Variants in NPSR1 observed in about 807,000 individuals in gnomAD.
NPSR1 encodes neuropeptide S receptor.
In NPSR1, 48 loss-of-function variants were observed where a neutral mutation model predicts 46.9. The observed-to-expected ratio is 1.02, with a 90% CI of 0.81 to 1.30. The LOEUF (loss-of-function observed/expected upper bound fraction) is 1.30, where lower values mean the gene tolerates loss of function less well. NPSR1 is among the 50% of genes most tolerant of loss of function. NPSR1 has a pLI of 0.00. For synonymous variants in NPSR1, 176 were observed against 168.1 expected (o/e 1.05, Z -0.36); for missense variants, 450 against 449.5 (o/e 1.00, Z -0.01).
chr7:34,852,302 G>GGAAAGAGA (rs370566581), downstream of NPSR1, among the ~76,000 whole-genome samples: 150 of 151,416 alleles, frequency 9.9e-4, 1 homozygote, highest in African/African-American at 3.2e-3. Context: ...TCCGTCTCAA[G>GGAAAGAGA]GAAAGAGAGA....
intron 2 of NPSR1, among the ~76,000 whole-genome samples, chr7:34,726,901 G>A (rs1277100950): frequency 1.3e-5 from 2 of 151,956 alleles, no homozygotes; most frequent in African/African-American, 4.8e-5. Flanking sequence ...GATTTTTAGG[G>A]CAGTGAAACT....
At chr7:34,685,638 G>A (rs1583806061) in intron 2 of NPSR1, 2 of 384,994 alleles carry the variant, frequency 5.2e-6, no homozygotes, top group East Asian at 1.0e-4. Flanking sequence ...GAGCTCTTTA[G>A]AATTTAGTCT....
Position 34,697,177 on chromosome 7 carries a change from A to G in NPSR1, c.280+12493A>G, listed in dbSNP as rs560695094. Among the ~76,000 whole-genome samples, 8 of 152,030 alleles carry G rather than the reference A, an allele frequency of 5.3e-5. No homozygotes were observed. In the South Asian group the frequency reaches 1.7e-3, roughly 32 times the overall value. ...TTCTCTCTACTTTTATGTAAGTTTA[A>G]GATTTTTTTCATAATAAAATTCAAA... On this transcript the variant is annotated intron_variant, in intron 2 of 8. Coordinates refer to ENST00000360581, the MANE Select transcript of NPSR1 (RefSeq NM_207172.2).
rs995670570 is a variant in NPSR1, at chr7:34,709,045, A to G, written c.280+24361A>G. On this transcript the variant is annotated intron_variant, in intron 2 of 8. Coordinates refer to ENST00000360581, the MANE Select transcript of NPSR1 (RefSeq NM_207172.2). Reference sequence around the variant, plus strand: ...CTTGATCTTCCTTTTGAATTCCACCATCTTGCCTGTGAGGGAAAAAGGAAT... The same window carrying G: ...CTTGATCTTCCTTTTGAATTCCACCGTCTTGCCTGTGAGGGAAAAAGGAAT... 1.2e-4 allele frequency among the ~76,000 whole-genome samples: 19 copies of G among 152,204 alleles called. No homozygotes were observed. The East Asian group carries it at 3.7e-3, about 29-fold the overall frequency.
intron 1 of NPSR1, among the ~76,000 whole-genome samples, chr7:34,675,276 G>A (rs2531837): frequency 0.12 from 18,629 of 152,156 alleles, 1,219 homozygotes; most frequent in Middle Eastern, 0.17. Context: ...GCCATGTACT[G>A]GATTAATGTG....
chr7:34,744,517 T>C (rs1785109206), intron 2 of NPSR1, among the ~76,000 whole-genome samples: 2 of 152,178 alleles, frequency 1.3e-5, no homozygotes, highest in Admixed American at 1.3e-4. Flanking sequence ...AGGGATTCAA[T>C]AGATGTCCAT....
At chr7:34,764,446 T>A (rs324962) in intron 2 of NPSR1, among the ~76,000 whole-genome samples, 50,335 of 152,080 alleles carry the variant, frequency 0.33, 8,456 homozygotes, top group African/African-American at 0.39. Context: ...TTTTATTGGA[T>A]TACAGCCAGG....
In NPSR1 at chr7:34,848,520, C is replaced by G. The variant is rs186466499; in HGVS notation, c.882C>G (p.Asp294Glu). Residue 294 changes from aspartate (D) to glutamate (E), a missense_variant, in exon 8 of 9, where the codon GAC (aspartate) becomes GAG (glutamate). Asp to Glu is a conservative substitution (Grantham distance 45, BLOSUM62 2). Transcript: ENST00000360581. ...ICCWSPYFLF[D>E]ILDNFNLLPD... ...GTTGGAGTCCATACTTCCTGTTTGA[C>G]ATTTTGGACAATTTCAACCTCCTTC... 30 of 1,614,170 alleles carry G rather than the reference C, an allele frequency of 1.9e-5. No homozygotes were observed. In the Middle Eastern group the frequency reaches 8.2e-4, roughly 44 times the overall value.
intron 8 of NPSR1, among the ~76,000 whole-genome samples, chr7:34,874,526 C>T (rs2128770936): frequency 6.6e-6 from 1 of 152,202 alleles, no homozygotes; most frequent in South Asian, 2.1e-4. Flanking sequence ...TGGAATTGCG[C>T]AAGGGCCGCA....
chr7:34,710,735 T>C (rs186709091), intron 2 of NPSR1: 6 of 381,930 alleles, frequency 1.6e-5, no homozygotes, highest in African/African-American at 8.4e-5. Flanking sequence ...ATTCTGCCTA[T>C]AAGCATCAAC....
At chr7:34,848,721 C>A in intron 8 of NPSR1, 58 bp downstream of exon 8, 1 of 1,483,870 alleles carries the variant, frequency 6.7e-7, no homozygotes, top group Non-Finnish European at 9.2e-7. Flanking sequence ...TGGGATTCTG[C>A]CAACATGTGG....
At chr7:34,671,189 A>T (rs1792035428) in intron 1 of NPSR1, among the ~76,000 whole-genome samples, 1 of 80,908 alleles carries the variant, frequency 1.2e-5, no homozygotes, top group South Asian at 3.2e-4. Flanking sequence ...TTAAAAGCAC[A>T]ATAAATATAA....
chr7:34,819,973 T>C (rs1222830482), intron 4 of NPSR1, among the ~76,000 whole-genome samples: 1 of 152,124 alleles, frequency 6.6e-6, no homozygotes, highest in African/African-American at 2.4e-5. Flanking sequence ...CTAATGTAAA[T>C]GACAAGTTGA....
chr7:34,870,464 G>C (rs1398099499), intron 8 of NPSR1, among the ~76,000 whole-genome samples: 1 of 151,788 alleles, frequency 6.6e-6, no homozygotes, highest in Non-Finnish European at 1.5e-5. Flanking sequence ...TTGTGGAAAT[G>C]ACCATGGGAT....
intron 5 of NPSR1, among the ~76,000 whole-genome samples, chr7:34,828,703 A>G (rs1249666527): frequency 6.6e-6 from 1 of 152,214 alleles, no homozygotes; most frequent in African/African-American, 2.4e-5. Context: ...CTTGTACTTA[A>G]AACTGTACAT....
At chr7:34,730,000 T>C (rs1583896353) in intron 2 of NPSR1, among the ~76,000 whole-genome samples, 3 of 152,182 alleles carry the variant, frequency 2.0e-5, no homozygotes, top group African/African-American at 7.2e-5. Context: ...TCTGGAACTC[T>C]TGACCTCAGG....
At chr7:34,708,707 A>G (rs1048886314) in intron 2 of NPSR1, among the ~76,000 whole-genome samples, 1 of 152,208 alleles carries the variant, frequency 6.6e-6, no homozygotes, top group Non-Finnish European at 1.5e-5. Context: ...AAACCTTTTG[A>G]ATATCTTTGA....
chr7:34,834,259 G>A (rs1790262133), intron 5 of NPSR1, 125 bp from the exon 6 acceptor site: 1 of 722,538 alleles, frequency 1.4e-6, no homozygotes, highest in East Asian at 2.5e-5. Context: ...GTATAAGGGG[G>A]CAGGCATGGT....
intron 3 of NPSR1, among the ~76,000 whole-genome samples, chr7:34,787,496 A>T (rs187882559): frequency 6.6e-6 from 1 of 152,156 alleles, no homozygotes; most frequent in Admixed American, 6.6e-5. Context: ...CTTTTCTTCA[A>T]GAAAGTTTCC....
Sources: gnomAD v4.1 joint callset for allele counts (sites outside exome capture counted in the v4.1 genomes callset) on GRCh38, gnomAD v4.1.1 for gene constraint, MANE v1.5 for transcripts, NCBI Gene and HGNC (gene_info 2026-07-23, HGNC 2026-07-21) for gene names.